Variants in DSCAML1 observed in about 807,000 individuals in gnomAD.
The protein encoded by DSCAML1 is cell adhesion molecule DSCAML1.
A neutral mutation model predicts 200.5 loss-of-function variants in DSCAML1; 38 were observed. The observed-to-expected ratio is 0.19, with a 90% confidence interval of 0.15 to 0.25. The LOEUF is 0.25. Among genes scored for constraint, DSCAML1 ranks in the 10% least tolerant of loss-of-function variants. The pLI is 1.00. For synonymous variants in DSCAML1, 1,215 were observed against 1,165.0 expected (o/e 1.04, Z -0.87); for missense variants, 2,223 against 2,858.8 (o/e 0.78, Z 5.07).
chr11:117,471,690 A>G (rs1345264722), intron 15 of DSCAML1, among the ~76,000 whole-genome samples, 179 bp downstream of exon 15: 4 of 150,018 alleles, frequency 2.7e-5, no homozygotes, highest in South Asian at 2.1e-4. Flanking sequence ...CCCGCTTGGA[A>G]AAGGGTCAAA....
In DSCAML1 at chr11:117,525,022, G is replaced by C. The variant is rs761358067; in HGVS notation, c.720C>G (p.Gly240=). The change falls in exon 5 of 33, where the codon GGC becomes GGG. Residue 240 remains glycine, a synonymous_variant. Coordinates refer to ENST00000651296, the MANE Select transcript of DSCAML1 (RefSeq NM_020693.4). ...CGGTGCAGGGCAGCTCCACGGTGTG[G>C]CCGGCCCACACTTCCTGGGAGTGGA... ...DGFHSQEVWA[G]HTVELPCTAS... is the part of the protein sequence containing the mutation. 4 of 1,602,588 alleles carry C rather than the reference G, an allele frequency of 2.5e-6. No individual in the cohort carries two copies. The highest frequency in any genetic ancestry group is 3.4e-5 in the Admixed American group (2 of 58,328).
intron 3 of DSCAML1, among the ~76,000 whole-genome samples, chr11:117,745,408 C>A (rs542192398): frequency 6.6e-6 from 1 of 152,090 alleles, no homozygotes; most frequent in African/African-American, 2.4e-5. Flanking sequence ...CCCAAGGGAG[C>A]TTTTCTCCCC....
intron 3 of DSCAML1, among the ~76,000 whole-genome samples, chr11:117,563,432 G>C (rs1171733151): frequency 6.6e-6 from 1 of 152,138 alleles, no homozygotes; most frequent in Non-Finnish European, 1.5e-5. Flanking sequence ...GGATGGAGAA[G>C]TCAGGGGCCA....
chr11:117,687,426 A>AT (rs71037492), intron 3 of DSCAML1, among the ~76,000 whole-genome samples: 73,957 of 97,074 alleles, frequency 0.76, 29,526 homozygotes, highest in East Asian at 0.91. Flanking sequence ...ATGCCTGGCT[A>AT]TTTTTTTTTT....
chr11:117,624,973 C>T (rs150883056), intron 3 of DSCAML1, among the ~76,000 whole-genome samples: 2 of 152,166 alleles, frequency 1.3e-5, no homozygotes, highest in Non-Finnish European at 2.9e-5. Flanking sequence ...AAAACCCACC[C>T]ATGCCTGGTC....
At chr11:117,759,409 C>T (rs778397228) in intron 3 of DSCAML1, among the ~76,000 whole-genome samples, 1 of 152,218 alleles carries the variant, frequency 6.6e-6, no homozygotes, top group East Asian at 1.9e-4. Flanking sequence ...TTGACCCTGC[C>T]CCGCCCTCTG....
intron 3 of DSCAML1, among the ~76,000 whole-genome samples, chr11:117,715,261 C>G (rs564538699): frequency 6.6e-6 from 1 of 152,002 alleles, no homozygotes; most frequent in Non-Finnish European, 1.5e-5. Context: ...CCTTGGCCAA[C>G]ACTACGCCTA....
chr11:117,515,596 C>CA (rs1188670359), intron 8 of DSCAML1, among the ~76,000 whole-genome samples: 18 of 134,884 alleles, frequency 1.3e-4, no homozygotes, highest in African/African-American at 5.1e-4. Flanking sequence ...GTCAAGGGCC[C>CA]AGGAGGGACG....
At chr11:117,586,819 T>C (rs2051153642) in intron 3 of DSCAML1, among the ~76,000 whole-genome samples, 1 of 152,182 alleles carries the variant, frequency 6.6e-6, no homozygotes, top group African/African-American at 2.4e-5. Context: ...GAACCACTTC[T>C]CTCCCAGGGT....
chr11:117,462,941 G>A (rs11607656), intron 17 of DSCAML1, among the ~76,000 whole-genome samples: 16,636 of 152,274 alleles, frequency 0.11, 1,043 homozygotes, highest in Admixed American at 0.19. Context: ...TCTCCCTGTT[G>A]GAAATTCCAG....
chr11:117,442,776 T>C (rs2048094620), intron 21 of DSCAML1, among the ~76,000 whole-genome samples: 1 of 151,906 alleles, frequency 6.6e-6, no homozygotes, highest in Admixed American at 6.6e-5. Flanking sequence ...AGGTTGGTGG[T>C]AGGGGTTAGG....
At chr11:117,585,861 C>T (rs182555595) in intron 3 of DSCAML1, among the ~76,000 whole-genome samples, 16 of 152,296 alleles carry the variant, frequency 1.1e-4, no homozygotes, top group Non-Finnish European at 1.5e-4. Flanking sequence ...CAGAATGAAT[C>T]GCACCTTTCC....
At chr11:117,700,508 G>A (rs902243704) in intron 3 of DSCAML1, among the ~76,000 whole-genome samples, 4 of 152,190 alleles carry the variant, frequency 2.6e-5, no homozygotes, top group African/African-American at 7.2e-5. Context: ...TGAGAAGCAG[G>A]AGCTCCCAGC....
At chr11:117,512,623 G>A (rs2049649754) in intron 8 of DSCAML1, among the ~76,000 whole-genome samples, 1 of 149,542 alleles carries the variant, frequency 6.7e-6, no homozygotes, top group African/African-American at 2.5e-5. Flanking sequence ...GAAGGGGGAA[G>A]GTGTGCATGC....
intron 14 of DSCAML1, among the ~76,000 whole-genome samples, chr11:117,473,854 C>T (rs1453053509): frequency 6.6e-6 from 1 of 152,118 alleles, no homozygotes; most frequent in Non-Finnish European, 1.5e-5. Context: ...TATGCAGGCT[C>T]CTACCTGCTG....
chr11:117,652,392 A>G (rs2052651245), intron 3 of DSCAML1, among the ~76,000 whole-genome samples: 1 of 152,216 alleles, frequency 6.6e-6, no homozygotes, highest in Non-Finnish European at 1.5e-5. Context: ...CCAAGACTAG[A>G]GGGCGGCGTA....
chr11:117,477,465 T>C (rs767624615), intron 14 of DSCAML1, among the ~76,000 whole-genome samples: 25 of 151,596 alleles, frequency 1.6e-4, no homozygotes, highest in Admixed American at 4.6e-4. Context: ...GTCTCCTATT[T>C]CTTTTTCTTC....
At chr11:117,442,064 G>A (rs957238301) in intron 21 of DSCAML1, among the ~76,000 whole-genome samples, 20 of 151,730 alleles carry the variant, frequency 1.3e-4, no homozygotes, top group South Asian at 4.2e-4. Context: ...ATGTGTGTGC[G>A]CAGATGCGTG....
chr11:117,520,103 G>T (rs963990471), intron 6 of DSCAML1, among the ~76,000 whole-genome samples: 18 of 152,212 alleles, frequency 1.2e-4, no homozygotes, highest in Non-Finnish European at 2.5e-4. Context: ...TAAGGACAGG[G>T]TTTCTGCCAG....
Sources: allele counts gnomAD v4.1 joint callset (sites outside exome capture counted in the v4.1 genomes callset), GRCh38; gene constraint gnomAD v4.1.1; transcripts MANE v1.5; gene names NCBI Gene and HGNC (gene_info 2026-07-23, HGNC 2026-07-21).